The following HS6ST3 variants were observed in gnomAD, a reference collection of about 807,000 sequenced individuals.
HS6ST3 encodes the protein heparan-sulfate 6-O-sulfotransferase 3.
HS6ST3 carries 12 observed loss-of-function variants against 36.7 expected under a neutral mutation model. The observed-to-expected ratio is 0.33, with a 90% CI of 0.21 to 0.53. The LOEUF (loss-of-function observed/expected upper bound fraction) is 0.53. Among genes scored for constraint, HS6ST3 ranks in the 20% least tolerant of loss-of-function variants. HS6ST3 has a pLI of 0.95. For synonymous variants in HS6ST3, 240 were observed against 257.5 expected (o/e 0.93, Z 0.65); for missense variants, 584 against 640.9 (o/e 0.91, Z 0.96).
At chr13:96,395,462 C>T (rs1444863593) in intron 1 of HS6ST3, among the ~76,000 whole-genome samples, 1 of 152,194 alleles carries the variant, frequency 6.6e-6, no homozygotes, top group Admixed American at 6.5e-5. Context: ...ACTCTCTTCC[C>T]TGCCACAACC....
intron 1 of HS6ST3, among the ~76,000 whole-genome samples, chr13:96,304,609 A>G (rs552790146): frequency 2.0e-5 from 3 of 151,938 alleles, no homozygotes; most frequent in Non-Finnish European, 4.4e-5. Context: ...CCTGAGGAAG[A>G]AGAAAGAGAA....
intron 1 of HS6ST3, among the ~76,000 whole-genome samples, chr13:96,526,736 A>C (rs1209498040): frequency 1.3e-5 from 2 of 152,176 alleles, no homozygotes; most frequent in African/African-American, 4.8e-5. Flanking sequence ...TTTTCTTCAT[A>C]TCATTAGGTA....
At position 96,091,563 on chromosome 13, in the gene HS6ST3, A is replaced by G. The variant is rs2053764750; in HGVS notation, c.701A>G (p.His234Arg). 6.4e-7 allele frequency: 1 copy of G among 1,572,766 alleles called. No individual in the cohort carries two copies. Residue 234 changes from histidine to arginine, a missense_variant, in exon 1 of 2, where the codon CAC becomes CGC. Coordinates refer to ENST00000376705, the MANE Select transcript of HS6ST3 (RefSeq NM_153456.4). ...EKKDCPRNHSHTRNFYYITML... is the reference protein window; with the variant it reads ...EKKDCPRNHSRTRNFYYITML... ...AAGGACTGTCCCCGCAACCACAGCC[A>G]CACCAGGTACTGTCGCCCGCTGGGT...
chr13:96,443,418 T>C (rs2055682998), intron 1 of HS6ST3, among the ~76,000 whole-genome samples: 1 of 150,548 alleles, frequency 6.6e-6, no homozygotes, highest in South Asian at 2.1e-4. Flanking sequence ...TAGTCCCAGC[T>C]ACTCGGGAGG....
At chr13:96,496,572 T>C (rs567467110) in intron 1 of HS6ST3, among the ~76,000 whole-genome samples, 35 of 152,212 alleles carry the variant, frequency 2.3e-4, no homozygotes, top group African/African-American at 8.4e-4. Context: ...GAAAGAGATA[T>C]GCCTGCTCGC....
At chr13:96,628,519 A>G (rs1482651535) in intron 1 of HS6ST3, among the ~76,000 whole-genome samples, 1 of 152,026 alleles carries the variant, frequency 6.6e-6, no homozygotes, top group African/African-American at 2.4e-5. Flanking sequence ...TGCTGTCCAA[A>G]TCTTTACTTA....
intron 1 of HS6ST3, among the ~76,000 whole-genome samples, chr13:96,647,342 G>A (rs574863833): frequency 2.6e-5 from 4 of 152,114 alleles, no homozygotes; most frequent in South Asian, 2.1e-4. Context: ...TATCCACAAC[G>A]TGAGTTGCAT....
chr13:96,150,955 G>A (rs539701091), intron 1 of HS6ST3, among the ~76,000 whole-genome samples: 1 of 152,272 alleles, frequency 6.6e-6, no homozygotes, highest in South Asian at 2.1e-4. Flanking sequence ...GAGGAAATGT[G>A]GATGGCAAAT....
At chr13:96,200,384 C>T (rs1471445514) in intron 1 of HS6ST3, among the ~76,000 whole-genome samples, 1 of 152,176 alleles carries the variant, frequency 6.6e-6, no homozygotes, top group Non-Finnish European at 1.5e-5. Context: ...CATTCTCCTG[C>T]CTTAGGACTT....
intron 1 of HS6ST3, among the ~76,000 whole-genome samples, chr13:96,830,053 G>GT (rs59196223): frequency 0.21 from 31,374 of 149,942 alleles, 3,313 homozygotes; most frequent in Admixed American, 0.25. Context: ...CAACCATTCT[G>GT]TTTTTTTTTT....
At position 96,755,007 on chromosome 13, in the gene HS6ST3, T is replaced by A. The variant is rs76314341; in HGVS notation, c.708-77483T>A. ...CCTTCTTACTTTCTTAATTTTTTTT[T>A]AAATTACACTAATGTTAGGACTGTG... On this transcript the variant is annotated intron_variant, in intron 1 of 1. Transcript: ENST00000376705. Among the ~76,000 whole-genome samples, 17 of 152,258 alleles carry A rather than the reference T, an allele frequency of 1.1e-4. No homozygotes were observed. The South Asian group carries it at 1.7e-3, about 15-fold the overall frequency.
At chr13:96,799,425 C>T (rs996197803) in intron 1 of HS6ST3, among the ~76,000 whole-genome samples, 4 of 152,004 alleles carry the variant, frequency 2.6e-5, no homozygotes, top group Non-Finnish European at 5.9e-5. Context: ...ATGTGGCACA[C>T]ATACACCATG....
intron 1 of HS6ST3, among the ~76,000 whole-genome samples, chr13:96,592,631 T>C (rs1299434893): frequency 3.9e-5 from 6 of 151,978 alleles, no homozygotes. Context: ...CAGCATTTTA[T>C]TTATTTATTT....
At chr13:96,102,038 G>A (rs747242210) in intron 1 of HS6ST3, among the ~76,000 whole-genome samples, 1 of 152,148 alleles carries the variant, frequency 6.6e-6, no homozygotes, top group Non-Finnish European at 1.5e-5. Flanking sequence ...TTGTTGGTCC[G>A]AATTTAAGTC....
chr13:96,195,707 A>G (rs567411705), intron 1 of HS6ST3, among the ~76,000 whole-genome samples: 1 of 152,310 alleles, frequency 6.6e-6, no homozygotes, highest in South Asian at 2.1e-4. Context: ...CCAGTACCTG[A>G]GACGCATTGC....
intron 1 of HS6ST3, among the ~76,000 whole-genome samples, chr13:96,300,638 T>C (rs1452111983): frequency 6.6e-6 from 1 of 152,200 alleles, no homozygotes; most frequent in Admixed American, 6.5e-5. Flanking sequence ...TAATCATTTA[T>C]CTGGCTTTTA....
chr13:96,196,004 A>G (rs1327630), intron 1 of HS6ST3, among the ~76,000 whole-genome samples: 144,185 of 152,246 alleles, frequency 0.95, 68,380 homozygotes, highest in African/African-American at 0.97. Context: ...GGAACCAAAC[A>G]ATTTCTTTCT....
At chr13:96,777,761 T>C (rs893844708) in intron 1 of HS6ST3, among the ~76,000 whole-genome samples, 1 of 152,178 alleles carries the variant, frequency 6.6e-6, no homozygotes, top group Non-Finnish European at 1.5e-5. Flanking sequence ...AGGTAGTTTA[T>C]AGATTCAATG....
rs569988306 is a variant in HS6ST3, at chr13:96,116,355, G to C, written c.707+24786G>C. On this transcript the variant is annotated intron_variant, in intron 1 of 1. Transcript: ENST00000376705. ...ATGGATTGCCAATCAGCTATAGTCA[G>C]GTGTCTGCCCTGACCCAACTGTGGG... is the stretch of plus-strand genomic sequence containing the variant. 3.3e-5 allele frequency among the ~76,000 whole-genome samples: 5 copies of C among 152,268 alleles called. No homozygotes were observed. In the South Asian group the frequency reaches 1.0e-3, roughly 32 times the overall value.
Sources: allele counts gnomAD v4.1 joint callset (sites outside exome capture counted in the v4.1 genomes callset), GRCh38; gene constraint gnomAD v4.1.1; transcripts MANE v1.5; gene names NCBI Gene and HGNC (gene_info 2026-07-23, HGNC 2026-07-21).